Variants in ADGRL2 observed in about 807,000 individuals in gnomAD.
ADGRL2 encodes the protein calcium-independent alpha-latrotoxin receptor 2.
In ADGRL2, 44 loss-of-function variants were observed where a neutral mutation model predicts 157.4. That is an observed-to-expected ratio of 0.28 (90% CI 0.22 to 0.36). The LOEUF is 0.36. Among genes scored for constraint, ADGRL2 ranks in the 10% least tolerant of loss-of-function variants. ADGRL2 has a pLI of 1.00. For synonymous variants in ADGRL2, 585 were observed against 624.7 expected, an observed-to-expected ratio of 0.94 and a Z score of 0.95; for missense variants, 1,510 against 1,768.9, an observed-to-expected ratio of 0.85 and a Z score of 2.63.
At chr1:81,979,098 G>A (rs1413383980) in intron 17 of ADGRL2, among the ~76,000 whole-genome samples, 1 of 151,656 alleles carries the variant, frequency 6.6e-6, no homozygotes, top group Non-Finnish European at 1.5e-5. Flanking sequence ...TCAAAACACA[G>A]CTCCTTTTCC....
At position 81,528,609 on chromosome 1, in the gene ADGRL2, T is replaced by C. The variant is rs185777959; in HGVS notation, c.-247-52267T>C. ...TTGCAGTGAGCCAAGATAGTGCCAC[T>C]GCAGTCCGGCCTGGGCAAAAAAGTG... On this transcript the variant is annotated intron_variant, in intron 2 of 24. Transcript: ENST00000370721. 1.6e-4 allele frequency among the ~76,000 whole-genome samples: 21 copies of C among 132,728 alleles called. No homozygotes were observed. In the East Asian group the frequency reaches 3.3e-3, roughly 21 times the overall value. 87.1% of individuals were successfully genotyped at this position (132,728 alleles called of 152,430 possible).
intron 2 of ADGRL2, among the ~76,000 whole-genome samples, chr1:81,518,825 T>G (rs2079243136): frequency 6.6e-6 from 1 of 152,038 alleles, no homozygotes; most frequent in Non-Finnish European, 1.5e-5. Context: ...TATTTATCTC[T>G]TTAGTTTGTT....
intron 3 of ADGRL2, among the ~76,000 whole-genome samples, chr1:81,679,247 G>A (rs1270934261): frequency 4.6e-5 from 7 of 152,060 alleles, no homozygotes; most frequent in Non-Finnish European, 1.5e-5. Flanking sequence ...TAGGGTAGGA[G>A]GTCAGGCCAA....
At chr1:81,958,263 A>C (rs764731512) in intron 11 of ADGRL2, among the ~76,000 whole-genome samples, 1 of 152,052 alleles carries the variant, frequency 6.6e-6, no homozygotes, top group South Asian at 2.1e-4. Context: ...GTCTCAAAAA[A>C]AAAAGGTCAT....
chr1:81,942,099 TA>T (rs1212974847), intron 5 of ADGRL2, 54 bp downstream of exon 5: 1 of 697,264 alleles, frequency 1.4e-6, no homozygotes, highest in Non-Finnish European at 2.7e-6. Context: ...TTATGGATGT[TA>T]ACCTCCTCCC....
chr1:81,307,806 A>C (rs1320865512), intron 1 of ADGRL2, among the ~76,000 whole-genome samples: 5 of 146,124 alleles, frequency 3.4e-5, no homozygotes, highest in Non-Finnish European at 7.5e-5. Context: ...CAATGCCAAA[A>C]ATGTGCAGTT....
intron 2 of ADGRL2, among the ~76,000 whole-genome samples, chr1:81,474,533 G>A (rs866598488): frequency 2.0e-5 from 3 of 152,194 alleles, no homozygotes; most frequent in Non-Finnish European, 4.4e-5. Flanking sequence ...GTTCAGAAAA[G>A]CAAGGTCCAT....
chr1:81,953,772 T>C (rs1037498319), intron 10 of ADGRL2, among the ~76,000 whole-genome samples: 1 of 152,182 alleles, frequency 6.6e-6, no homozygotes, highest in Admixed American at 6.5e-5. Context: ...GAGTTCCTTT[T>C]GGGGAGATAT....
chr1:81,866,868 T>C (rs958430019), intron 2 of ADGRL2, among the ~76,000 whole-genome samples: 3 of 152,154 alleles, frequency 2.0e-5, no homozygotes, highest in Non-Finnish European at 4.4e-5. Context: ...TGGGGTTTTT[T>C]TGGGGTGTGT....
At chr1:81,539,380 G>A (rs2079826436) in intron 2 of ADGRL2, among the ~76,000 whole-genome samples, 1 of 152,086 alleles carries the variant, frequency 6.6e-6, no homozygotes, top group South Asian at 2.1e-4. Context: ...AGAGCTACAA[G>A]GCATGTTAGC....
chr1:81,722,763 G>C (rs1297406058), intron 1 of ADGRL2: 2 of 795,462 alleles, frequency 2.5e-6, no homozygotes. Context: ...CTCAAGAAGA[G>C]CATGAGAGAG....
chr1:81,576,764 G>A (rs1343274154), intron 2 of ADGRL2, among the ~76,000 whole-genome samples: 5 of 152,010 alleles, frequency 3.3e-5, no homozygotes, highest in Non-Finnish European at 7.4e-5. Context: ...ATTAATTTAG[G>A]CATTTGCGCA....
At chr1:81,330,498 A>G (rs1361838244) in intron 1 of ADGRL2, among the ~76,000 whole-genome samples, 1 of 152,186 alleles carries the variant, frequency 6.6e-6, no homozygotes, top group African/African-American at 2.4e-5. Context: ...TATCTAATGT[A>G]TCTTACTTGA....
intron 2 of ADGRL2, among the ~76,000 whole-genome samples, chr1:81,883,204 A>G (rs751640403): frequency 3.9e-5 from 6 of 152,186 alleles, no homozygotes; most frequent in Admixed American, 1.3e-4. Flanking sequence ...TCAGTATGGT[A>G]TATTTTATGT....
At chr1:81,796,361 C>T (rs1557658399), upstream of ADGRL2, among the ~76,000 whole-genome samples, 1 of 152,246 alleles carries the variant, frequency 6.6e-6, no homozygotes, top group Non-Finnish European at 1.5e-5. Flanking sequence ...GACAAAATTA[C>T]TAGAAGTTAT....
chr1:81,522,887 ATT>A (rs1243993589), intron 2 of ADGRL2, among the ~76,000 whole-genome samples: 1 of 152,148 alleles, frequency 6.6e-6, no homozygotes, highest in Non-Finnish European at 1.5e-5. Context: ...ATTTTTAGTA[ATT>A]TATTTACATT....
intron 1 of ADGRL2, among the ~76,000 whole-genome samples, chr1:81,705,925 T>C (rs1271070298): frequency 6.7e-6 from 1 of 149,902 alleles, no homozygotes; most frequent in Non-Finnish European, 1.5e-5. Context: ...AACAAAAATT[T>C]TGGGGCCAGG....
intron 2 of ADGRL2, among the ~76,000 whole-genome samples, chr1:81,863,724 C>T (rs2093454751): frequency 6.6e-6 from 1 of 152,068 alleles, no homozygotes; most frequent in South Asian, 2.1e-4. Flanking sequence ...GTGCAAGCTA[C>T]AGAATAAAAG....
intron 2 of ADGRL2, among the ~76,000 whole-genome samples, chr1:81,459,713 C>T (rs1557704346): frequency 1.3e-5 from 2 of 151,600 alleles, no homozygotes. Flanking sequence ...TACACACACA[C>T]ACATATACAC....
Sources: gnomAD v4.1 joint callset for allele counts (sites outside exome capture counted in the v4.1 genomes callset) on GRCh38, gnomAD v4.1.1 for gene constraint, MANE v1.5 for transcripts, NCBI Gene and HGNC (gene_info 2026-07-23, HGNC 2026-07-21) for gene names.